The following ST8SIA6 variants were observed in gnomAD, a reference collection of about 807,000 sequenced individuals.
The protein encoded by ST8SIA6 is ST8 alpha-N-acetyl-neuraminide alpha-2,8-sialyltransferase 6.
Under a neutral mutation model 33.6 loss-of-function variants are expected in ST8SIA6, and 39 were observed. The observed-to-expected ratio is 1.16, with a 90% CI of 0.90 to 1.52. The LOEUF (loss-of-function observed/expected upper bound fraction) is 1.52. ST8SIA6 is among the 40% of genes most tolerant of loss of function. The pLI is 0.00. For missense variants in ST8SIA6, 441 were observed against 443.8 expected (o/e 0.99, Z 0.06); for synonymous variants, 172 against 167.2 (o/e 1.03, Z -0.22).
chr10:17,418,652 A>G (rs1250359353), intron 2 of ST8SIA6, among the ~76,000 whole-genome samples: 1 of 152,234 alleles, frequency 6.6e-6, no homozygotes, highest in Non-Finnish European at 1.5e-5. Context: ...AGCCAGACAT[A>G]TGGCCTCCAA....
At chr10:17,386,004 A>G (rs1054929878) in intron 3 of ST8SIA6, among the ~76,000 whole-genome samples, 1 of 152,054 alleles carries the variant, frequency 6.6e-6, no homozygotes, top group Non-Finnish European at 1.5e-5. Flanking sequence ...GCAACAAAGA[A>G]AGACCCCATC....
chr10:17,445,820 G>A (rs528422569), intron 2 of ST8SIA6, among the ~76,000 whole-genome samples: 61 of 152,280 alleles, frequency 4.0e-4, no homozygotes, highest in African/African-American at 1.4e-3. Context: ...TGGATACTGG[G>A]ACAGCCTGGT....
intron 2 of ST8SIA6, chr10:17,403,532 T>A (rs1851129595): frequency 6.6e-6 from 1 of 152,200 alleles, no homozygotes. Context: ...TAGTGAGTTA[T>A]CTCAATTGAT....
intron 4 of ST8SIA6, among the ~76,000 whole-genome samples, chr10:17,338,513 T>C (rs897362226): frequency 8.5e-5 from 13 of 152,222 alleles, no homozygotes; most frequent in African/African-American, 2.9e-4. Flanking sequence ...CCTTGGATGC[T>C]TTCCAAAATG....
At chr10:17,434,433 A>G (rs1852190041) in intron 2 of ST8SIA6, among the ~76,000 whole-genome samples, 1 of 152,204 alleles carries the variant, frequency 6.6e-6, no homozygotes, top group Non-Finnish European at 1.5e-5. Flanking sequence ...TGCAGCATAA[A>G]TATCCACTGA....
At chr10:17,355,707 T>A (rs1431757963) in intron 4 of ST8SIA6, among the ~76,000 whole-genome samples, 1 of 152,204 alleles carries the variant, frequency 6.6e-6, no homozygotes, top group African/African-American at 2.4e-5. Context: ...CAATTTGTAA[T>A]TCCTTTGCTA....
intron 2 of ST8SIA6, among the ~76,000 whole-genome samples, chr10:17,392,781 C>T (rs549359833): frequency 7.9e-5 from 12 of 152,254 alleles, no homozygotes; most frequent in Admixed American, 6.5e-4. Flanking sequence ...AGTTGCTTTA[C>T]AAAACAAAGG....
At chr10:17,371,813 T>TAAAAAA (rs1849745422) in intron 3 of ST8SIA6, among the ~76,000 whole-genome samples, 5 of 116,910 alleles carry the variant, frequency 4.3e-5, no homozygotes, top group African/African-American at 9.5e-5. Context: ...AGAAAGAAAG[T>TAAAAAA]AAAAAATGAG....
In ST8SIA6 at chr10:17,363,892, T is replaced by C. The variant is rs148259726; in HGVS notation, c.291-4292A>G. Among the ~76,000 whole-genome samples the C allele has an allele frequency of 1.5e-3, 222 of 152,310 alleles. 1 individual carries two copies. Among genetic ancestry groups the C allele is most frequent in the Middle Eastern group, 6.8e-3 (2 of 294 alleles). On this transcript the variant is annotated intron_variant, in intron 3 of 7. Coordinates refer to ENST00000377602, the MANE Select transcript of ST8SIA6 (RefSeq NM_001004470.3). ...ATACTCATTCATTATCCCCATAGTT[T>C]GAGCTTCATTGAGGCTTGCTGAAAA...
At chr10:17,378,962 T>C (rs1850019087) in intron 3 of ST8SIA6, among the ~76,000 whole-genome samples, 1 of 151,840 alleles carries the variant, frequency 6.6e-6, no homozygotes, top group Admixed American at 6.6e-5. Context: ...CCGTTACTAC[T>C]AAAAATACAA....
chr10:17,430,826 CTG>C (rs1852080903), intron 2 of ST8SIA6, among the ~76,000 whole-genome samples: 1 of 152,296 alleles, frequency 6.6e-6, no homozygotes, highest in South Asian at 2.1e-4. Context: ...TTCTCCCATT[CTG>C]TGGGTTGTCT....
At chr10:17,324,411 A>G (rs781213426) in intron 6 of ST8SIA6, among the ~76,000 whole-genome samples, 8 of 152,082 alleles carry the variant, frequency 5.3e-5, no homozygotes, top group Non-Finnish European at 1.2e-4. Flanking sequence ...TACATATTCA[A>G]TGATAAAGAT....
intron 2 of ST8SIA6, among the ~76,000 whole-genome samples, chr10:17,405,115 G>A (rs1364809356): frequency 1.3e-5 from 2 of 152,246 alleles, no homozygotes; most frequent in East Asian, 3.9e-4. Context: ...CACCTTTCCA[G>A]TTTTCTCACT....
Position 17,358,026 on chromosome 10 carries a change from A to AT in ST8SIA6, c.377+1487dup, listed in dbSNP as rs150900738. On this transcript the variant is annotated intron_variant, in intron 4 of 7. Coordinates refer to ENST00000377602, the MANE Select transcript of ST8SIA6 (RefSeq NM_001004470.3). ...ACCTCTCAAATCCAGTCTCAAATAG[A>AT]TTGAATTTGGCATAAAACGTCCTGG... Among the ~76,000 whole-genome samples, 575 of 152,306 alleles carry AT rather than the reference A, an allele frequency of 3.8e-3. 5 individuals carry two copies. Among genetic ancestry groups the AT allele is most frequent in the African/African-American group, 0.013 (553 of 41,570 alleles).
intron 7 of ST8SIA6, 65 bp downstream of exon 7, chr10:17,323,000 G>T: frequency 2.1e-6 from 3 of 1,444,242 alleles, no homozygotes; most frequent in South Asian, 1.2e-5. Context: ...TAGTGCTTAA[G>T]CTGAGAAACA....
intron 6 of ST8SIA6, 27 bp from the exon 7 acceptor site, chr10:17,323,184 C>A: frequency 6.3e-7 from 1 of 1,587,644 alleles, no homozygotes; most frequent in South Asian, 1.1e-5. Flanking sequence ...AAATCATTTT[C>A]AAAATAGAAC....
At chr10:17,354,417 G>A (rs1049617999) in intron 4 of ST8SIA6, among the ~76,000 whole-genome samples, 3 of 152,090 alleles carry the variant, frequency 2.0e-5, no homozygotes, top group Non-Finnish European at 4.4e-5. Flanking sequence ...GAGGGAAGGG[G>A]GTGGGGACCT....
chr10:17,394,122 CTCT>C (rs1850718192), intron 2 of ST8SIA6, among the ~76,000 whole-genome samples: 1 of 152,108 alleles, frequency 6.6e-6, no homozygotes, highest in African/African-American at 2.4e-5. Context: ...TCTCCTATGC[CTCT>C]TCTTAAATCA....
chr10:17,408,713 C>T (rs1206557763), intron 2 of ST8SIA6, among the ~76,000 whole-genome samples: 2 of 151,718 alleles, frequency 1.3e-5, no homozygotes, highest in African/African-American at 2.4e-5. Flanking sequence ...CACTAAAACT[C>T]AAATAAGTGA....
Sources: allele counts gnomAD v4.1 joint callset (sites outside exome capture counted in the v4.1 genomes callset), GRCh38; gene constraint gnomAD v4.1.1; transcripts MANE v1.5; gene names NCBI Gene and HGNC (gene_info 2026-07-23, HGNC 2026-07-21).